CHSY3: variants seen among roughly 807,000 people sequenced by gnomAD.
The protein encoded by CHSY3 is N-acetylgalactosaminyl-proteoglycan 3-beta-glucuronosyltransferase 3.
In CHSY3, 35 loss-of-function variants were observed where a neutral mutation model predicts 67.2. The observed-to-expected ratio is 0.52, with a 90% CI of 0.40 to 0.69. The LOEUF (loss-of-function observed/expected upper bound fraction) is 0.69, where lower values mean the gene tolerates loss of function less well. CHSY3 is among the 30% of genes least tolerant of loss of function. CHSY3 has a pLI of 0.00. For missense variants in CHSY3, 1,069 were observed against 1,138.5 expected (o/e 0.94, Z 0.88); for synonymous variants, 474 against 434.7 (o/e 1.09, Z -1.12).
intron 2 of CHSY3, among the ~76,000 whole-genome samples, chr5:130,020,638 A>G (rs577244251): frequency 6.6e-5 from 10 of 151,636 alleles, no homozygotes; most frequent in Non-Finnish European, 1.2e-4. Context: ...GCATATTAAA[A>G]ATGTGAGTTC....
chr5:130,018,707 G>C (rs749064397), intron 2 of CHSY3, among the ~76,000 whole-genome samples: 1 of 152,118 alleles, frequency 6.6e-6, no homozygotes, highest in Non-Finnish European at 1.5e-5. Flanking sequence ...TGGTTTGTTT[G>C]TCCGCACCAA....
intron 2 of CHSY3, among the ~76,000 whole-genome samples, chr5:130,015,159 G>T (rs1310555343): frequency 6.6e-6 from 1 of 152,032 alleles, no homozygotes; most frequent in Non-Finnish European, 1.5e-5. Context: ...AAAAGTGTGT[G>T]GCACTTCCCC....
intron 2 of CHSY3, among the ~76,000 whole-genome samples, chr5:130,147,776 G>A (rs568084269): frequency 6.6e-6 from 1 of 152,144 alleles, no homozygotes; most frequent in Non-Finnish European, 1.5e-5. Flanking sequence ...GGGAATGAGA[G>A]CGAGTAGGGG....
intron 2 of CHSY3, among the ~76,000 whole-genome samples, chr5:130,015,885 C>T (rs760239752): frequency 2.0e-5 from 3 of 152,102 alleles, no homozygotes; most frequent in Non-Finnish European, 2.9e-5. Context: ...ATATACTCCA[C>T]GGAATACTAC....
chr5:129,995,986 T>C (rs750068406), intron 2 of CHSY3, among the ~76,000 whole-genome samples: 1 of 152,060 alleles, frequency 6.6e-6, no homozygotes, highest in Non-Finnish European at 1.5e-5. Context: ...TTTCAATTTC[T>C]AGATATAGAG....
At position 130,140,296 on chromosome 5, in the gene CHSY3, C is replaced by T. The variant is rs540994464; in HGVS notation, c.1087-43933C>T. On this transcript the variant is annotated intron_variant, in intron 2 of 2. Coordinates refer to ENST00000305031, the MANE Select transcript of CHSY3 (RefSeq NM_175856.5). ...TACTGTTGTCCAGTCTAATATGAAG[C>T]ATCAGCCCTTCATAGTGGTGAATAA... The T allele has an allele frequency of 5.6e-4, 250 of 449,792 alleles. 4 individuals are homozygous for T. In the South Asian group the frequency reaches 7.0e-3, roughly 13 times the overall value. The allele number at this position is 449,792 out of a possible 1,614,324, so 27.9% of individuals were successfully genotyped here.
intron 2 of CHSY3, among the ~76,000 whole-genome samples, chr5:129,940,662 T>G (rs2149594369): frequency 6.6e-6 from 1 of 152,240 alleles, no homozygotes; most frequent in Middle Eastern, 3.4e-3. Context: ...CCTATCTTTA[T>G]GCATGTGTGT....
chr5:129,968,106 C>G (rs1048022954), intron 2 of CHSY3, among the ~76,000 whole-genome samples: 1 of 151,792 alleles, frequency 6.6e-6, no homozygotes, highest in Non-Finnish European at 1.5e-5. Flanking sequence ...TCATACCTAT[C>G]TTTAAGATGT....
At chr5:130,160,895 A>ATTTATTTATTTT (rs1769514624) in intron 2 of CHSY3, among the ~76,000 whole-genome samples, 1 of 142,428 alleles carries the variant, frequency 7.0e-6, no homozygotes, top group African/African-American at 2.7e-5. Context: ...TTATTTATTT[A>ATTTATTTATTTT]TTTTTTTTTT....
intron 2 of CHSY3, among the ~76,000 whole-genome samples, chr5:130,143,756 A>ATATATATATATGTGTGTGTG (rs1433405052): frequency 2.0e-5 from 2 of 101,938 alleles, no homozygotes; most frequent in African/African-American, 9.5e-5. Context: ...ATATATATAT[A>ATATATATATATGTGTGTGTG]TGTGTGTGTG....
At chr5:130,103,774 A>G (rs1339369788) in intron 2 of CHSY3, among the ~76,000 whole-genome samples, 3 of 152,008 alleles carry the variant, frequency 2.0e-5, no homozygotes, top group African/African-American at 7.2e-5. Flanking sequence ...CTCCTTGTTT[A>G]TAGCCAGGCC....
chr5:129,912,070 A>G (rs1379192413), intron 2 of CHSY3, among the ~76,000 whole-genome samples: 1 of 152,100 alleles, frequency 6.6e-6, no homozygotes, highest in Non-Finnish European at 1.5e-5. Flanking sequence ...CAAACAAACA[A>G]CAACAACAAA....
intron 2 of CHSY3, among the ~76,000 whole-genome samples, chr5:130,152,176 A>G (rs1189132037): frequency 2.0e-5 from 3 of 152,234 alleles, no homozygotes; most frequent in African/African-American, 7.2e-5. Context: ...ATGAAAGTTT[A>G]AAAGCCACTG....
intron 2 of CHSY3, among the ~76,000 whole-genome samples, chr5:130,144,599 AAT>A (rs1769014980): frequency 1.3e-5 from 2 of 152,192 alleles, no homozygotes; most frequent in African/African-American, 4.8e-5. Flanking sequence ...GTACAGATTC[AAT>A]ATAATTCTTA....
At chr5:130,092,406 G>T (rs1340094865) in intron 2 of CHSY3, among the ~76,000 whole-genome samples, 1 of 152,106 alleles carries the variant, frequency 6.6e-6, no homozygotes, top group African/African-American at 2.4e-5. Flanking sequence ...ATTCATCATA[G>T]TCTTGAGTTG....
At chr5:129,999,173 A>C (rs1394068812) in intron 2 of CHSY3, among the ~76,000 whole-genome samples, 1 of 148,822 alleles carries the variant, frequency 6.7e-6, no homozygotes, top group Non-Finnish European at 1.5e-5. Flanking sequence ...CCCAACACTA[A>C]TTGTTGAATA....
intron 2 of CHSY3, among the ~76,000 whole-genome samples, chr5:130,006,886 C>T (rs1763892680): frequency 6.6e-6 from 1 of 152,162 alleles, no homozygotes; most frequent in South Asian, 2.1e-4. Context: ...CTAAGAAAAT[C>T]AGTTGACTTT....
intron 2 of CHSY3, among the ~76,000 whole-genome samples, chr5:130,014,006 A>G (rs541202212): frequency 6.6e-6 from 1 of 152,308 alleles, no homozygotes; most frequent in South Asian, 2.1e-4. Context: ...AAAGTTCCAC[A>G]TATCCCTAAA....
At chr5:130,020,446 TATATATATATA>T (rs1275737752) in intron 2 of CHSY3, among the ~76,000 whole-genome samples, 588 of 31,862 alleles carry the variant, frequency 0.018, 27 homozygotes, top group Non-Finnish European at 0.023. Flanking sequence ...TATATATATA[TATATATATATA>T]TATATTTTTT....
Sources: allele counts gnomAD v4.1 joint callset (sites outside exome capture counted in the v4.1 genomes callset), GRCh38; gene constraint gnomAD v4.1.1; transcripts MANE v1.5; gene names NCBI Gene and HGNC (gene_info 2026-07-23, HGNC 2026-07-21).